ARAP2: variants seen among roughly 807,000 people sequenced by gnomAD.
ARAP2 encodes the protein ArfGAP with RhoGAP domain, ankyrin repeat and PH domain 2, also known as arf-GAP with Rho-GAP domain, ANK repeat and PH domain-containing protein 2.
In ARAP2, 148 loss-of-function variants were observed where a neutral mutation model predicts 194.5. The observed-to-expected ratio is 0.76, with a 90% confidence interval of 0.67 to 0.87. The LOEUF is 0.87. Among genes scored for constraint, ARAP2 ranks in the 40% least tolerant of loss-of-function variants. ARAP2 has a pLI of 0.00. For missense variants in ARAP2, 2,128 were observed against 1,989.7 expected, an observed-to-expected ratio of 1.07 and a Z score of -1.32; for synonymous variants, 695 against 683.5, an observed-to-expected ratio of 1.02 and a Z score of -0.26.
chr4:36,118,963 T>C (rs1722049408), intron 24 of ARAP2, among the ~76,000 whole-genome samples: 1 of 151,456 alleles, frequency 6.6e-6, no homozygotes, highest in South Asian at 2.1e-4. Context: ...TCATTATGTA[T>C]CTGTAAACAG....
intron 27 of ARAP2, among the ~76,000 whole-genome samples, chr4:36,097,268 G>A (rs1715564996): frequency 6.6e-6 from 1 of 151,940 alleles, no homozygotes; most frequent in African/African-American, 2.4e-5. Flanking sequence ...AGGAATATAT[G>A]CTAAGGATGA....
intron 1 of ARAP2, among the ~76,000 whole-genome samples, chr4:36,237,096 T>C (rs897461785): frequency 5.9e-5 from 9 of 152,232 alleles, no homozygotes; most frequent in East Asian, 1.9e-4. Flanking sequence ...ATCTTTGTAA[T>C]TGCCATATAA....
At chr4:36,213,198 G>T in intron 4 of ARAP2, 45 bp downstream of exon 4, 1 of 1,355,002 alleles carries the variant, frequency 7.4e-7, no homozygotes, top group Non-Finnish European at 1.0e-6. Flanking sequence ...AGGCAGAAAA[G>T]CAAATAATTG....
intron 6 of ARAP2, among the ~76,000 whole-genome samples, chr4:36,209,606 G>A (rs1746294184): frequency 1.3e-5 from 2 of 151,980 alleles, no homozygotes; most frequent in South Asian, 4.1e-4. Flanking sequence ...CACATTTCAA[G>A]AGAATAGGAG....
chr4:36,078,820 A>C (rs910910813), intron 31 of ARAP2, among the ~76,000 whole-genome samples: 2 of 152,050 alleles, frequency 1.3e-5, no homozygotes, highest in African/African-American at 4.8e-5. Context: ...ACAGCTTTAG[A>C]CTCTATAGTC....
At chr4:36,111,425 C>T (rs1018832774) in intron 26 of ARAP2, among the ~76,000 whole-genome samples, 1 of 151,934 alleles carries the variant, frequency 6.6e-6, no homozygotes, top group African/African-American at 2.4e-5. Context: ...GGGAGGTTTT[C>T]CCTTACTGCA....
At chr4:36,153,905 G>T (rs1451052116) in intron 15 of ARAP2, among the ~76,000 whole-genome samples, 1 of 152,030 alleles carries the variant, frequency 6.6e-6, no homozygotes, top group African/African-American at 2.4e-5. Flanking sequence ...CAGTTATGTT[G>T]TTCCCCTTCC....
At chr4:36,163,826 G>A (rs751731705) in intron 11 of ARAP2, among the ~76,000 whole-genome samples, 10 of 152,226 alleles carry the variant, frequency 6.6e-5, no homozygotes, top group Non-Finnish European at 1.2e-4. Flanking sequence ...TGAAACTGGA[G>A]AGAAGAAAAG....
intron 9 of ARAP2, 131 bp downstream of exon 9, chr4:36,177,696 G>T: frequency 1.3e-6 from 1 of 777,096 alleles, no homozygotes; most frequent in Admixed American, 3.6e-5. Context: ...TATTTCTTTG[G>T]TATATTTAGT....
At chr4:36,071,624 A>G (rs1422590046) in intron 32 of ARAP2, among the ~76,000 whole-genome samples, 1 of 152,096 alleles carries the variant, frequency 6.6e-6, no homozygotes, top group East Asian at 1.9e-4. Context: ...ATTCTTCTTG[A>G]ATATATTCAT....
At chr4:36,044,748 G>A (rs1290064428) in intron 5 of ARAP2, among the ~76,000 whole-genome samples, 3 of 151,934 alleles carry the variant, frequency 2.0e-5, no homozygotes, top group African/African-American at 7.3e-5. Context: ...ACAATTAACA[G>A]GATGAAGAGA....
At chr4:36,062,645 T>A (rs1243470907), downstream of ARAP2, among the ~76,000 whole-genome samples, 1 of 151,500 alleles carries the variant, frequency 6.6e-6, no homozygotes, top group Non-Finnish European at 1.5e-5. Flanking sequence ...TGTGTGTGTG[T>A]GTGTGTGTGT....
At chr4:36,189,360 A>G (rs1253607956) in intron 7 of ARAP2, among the ~76,000 whole-genome samples, 1 of 152,192 alleles carries the variant, frequency 6.6e-6, no homozygotes, top group Admixed American at 6.5e-5. Flanking sequence ...TGACCAGAAG[A>G]GGTAACAAGC....
chr4:36,209,005 C>T (rs890722472), intron 6 of ARAP2, among the ~76,000 whole-genome samples: 7 of 152,056 alleles, frequency 4.6e-5, no homozygotes, highest in African/African-American at 1.7e-4. Context: ...CCAGAGGTGG[C>T]CAACAATAGT....
chr4:36,096,360 C>A (rs1435788116), intron 27 of ARAP2, among the ~76,000 whole-genome samples: 1 of 81,810 alleles, frequency 1.2e-5, no homozygotes. Flanking sequence ...GTGAGACTCT[C>A]TCAAAAAAAA....
intron 28 of ARAP2, among the ~76,000 whole-genome samples, chr4:36,090,583 A>G (rs916087181): frequency 6.6e-6 from 1 of 152,148 alleles, no homozygotes; most frequent in Non-Finnish European, 1.5e-5. Context: ...TGCATCCATA[A>G]AAAAGAATGA....
At chr4:36,147,440 C>T in intron 18 of ARAP2, 81 bp from the exon 19 acceptor site, 13 of 1,568,214 alleles carry the variant, frequency 8.3e-6, no homozygotes, top group Non-Finnish European at 1.1e-5. Context: ...ATTAATACTG[C>T]TTAGTCATAA....
intron 26 of ARAP2, among the ~76,000 whole-genome samples, chr4:36,110,537 G>A (rs1719687229): frequency 6.6e-6 from 1 of 151,848 alleles, no homozygotes; most frequent in South Asian, 2.1e-4. Flanking sequence ...CATTGGCAGA[G>A]GATGGGTTCG....
intron 23 of ARAP2, 148 bp downstream of exon 23, chr4:36,121,031 A>G (rs895482712): frequency 4.3e-5 from 26 of 601,250 alleles, no homozygotes; most frequent in Non-Finnish European, 6.2e-5. Flanking sequence ...ACTTATATCT[A>G]TAATTTAAAA....
Sources: gnomAD v4.1 joint callset for allele counts (sites outside exome capture counted in the v4.1 genomes callset) on GRCh38, gnomAD v4.1.1 for gene constraint, MANE v1.5 for transcripts, NCBI Gene and HGNC (gene_info 2026-07-23, HGNC 2026-07-21) for gene names.